Variants in UNC13C observed in about 807,000 individuals in gnomAD.
UNC13C encodes unc-13 homolog C.
Under a neutral mutation model 245.4 loss-of-function variants are expected in UNC13C, and 174 were observed. The ratio of observed to expected loss-of-function variants is 0.71; its 90% CI spans 0.63 to 0.80. The LOEUF (loss-of-function observed/expected upper bound fraction) is 0.80. Among genes scored for constraint, UNC13C ranks in the 30% least tolerant of loss-of-function variants. The pLI is 0.00. For synonymous variants in UNC13C, 992 were observed against 895.1 expected, an observed-to-expected ratio of 1.11 and a Z score of -1.93; for missense variants, 2,829 against 2,602.9, an observed-to-expected ratio of 1.09 and a Z score of -1.89.
intron 26 of UNC13C, among the ~76,000 whole-genome samples, chr15:54,538,608 A>G (rs750349493): frequency 6.6e-6 from 1 of 152,118 alleles, no homozygotes; most frequent in African/African-American, 2.4e-5. Flanking sequence ...TAGCCCATCA[A>G]TGGTAGACTG....
At chr15:54,295,472 G>T (rs1433147504) in intron 11 of UNC13C, among the ~76,000 whole-genome samples, 1 of 151,910 alleles carries the variant, frequency 6.6e-6, no homozygotes, top group Non-Finnish European at 1.5e-5. Flanking sequence ...AACATAGTGA[G>T]ACCCATCTCT....
chr15:54,281,898 T>C (rs1434862712), intron 10 of UNC13C, among the ~76,000 whole-genome samples: 6 of 152,224 alleles, frequency 3.9e-5, no homozygotes, highest in African/African-American at 1.4e-4. Context: ...TGGTATAATA[T>C]ACATATGATA....
the UNC13C span, among the ~76,000 whole-genome samples, chr15:53,884,306 A>G: frequency 6.6e-6 from 1 of 152,062 alleles, no homozygotes; most frequent in East Asian, 1.9e-4. Context: ...GTAATTTCCC[A>G]GGATCCTAAA....
chr15:53,936,848 C>G, the UNC13C span, among the ~76,000 whole-genome samples: 1 of 152,094 alleles, frequency 6.6e-6, no homozygotes, highest in Non-Finnish European at 1.5e-5. Flanking sequence ...ACAACATCAA[C>G]AAAAAGTCCC....
At chr15:54,217,763 T>C (rs2035086394) in intron 4 of UNC13C, among the ~76,000 whole-genome samples, 1 of 150,670 alleles carries the variant, frequency 6.6e-6, no homozygotes, top group Non-Finnish European at 1.5e-5. Context: ...CTTACTGGCC[T>C]AGGAAATTTC....
chr15:54,596,560 T>C (rs72740029), intron 30 of UNC13C, among the ~76,000 whole-genome samples: 3,762 of 152,250 alleles, frequency 0.025, 79 homozygotes, highest in South Asian at 0.051. Context: ...AATAAGACCA[T>C]AATGGGAGGC....
chr15:54,538,648 TGGA>T (rs1223972142), intron 26 of UNC13C, among the ~76,000 whole-genome samples: 1 of 152,064 alleles, frequency 6.6e-6, no homozygotes, highest in African/African-American at 2.4e-5. Context: ...ATATACATCA[TGGA>T]ATACTACACA....
the UNC13C span, among the ~76,000 whole-genome samples, chr15:53,956,953 A>G: frequency 6.6e-6 from 1 of 150,590 alleles, no homozygotes; most frequent in Non-Finnish European, 1.5e-5. Flanking sequence ...TGCATGTCCA[A>G]GCTTATAAAA....
At chr15:54,088,217 T>A (rs1899354852) in intron 2 of UNC13C, among the ~76,000 whole-genome samples, 1 of 145,024 alleles carries the variant, frequency 6.9e-6, no homozygotes, top group Non-Finnish European at 1.5e-5. Context: ...TTTTTTTTTT[T>A]TTTTTTTTTT....
At chr15:54,539,638 G>A (rs535933520) in intron 26 of UNC13C, among the ~76,000 whole-genome samples, 3 of 152,092 alleles carry the variant, frequency 2.0e-5, no homozygotes, top group African/African-American at 7.2e-5. Flanking sequence ...AATGCCTTCT[G>A]TTTTTTAGAA....
At chr15:54,077,563 T>A (rs1255662029) in intron 2 of UNC13C, among the ~76,000 whole-genome samples, 1 of 151,406 alleles carries the variant, frequency 6.6e-6, no homozygotes, top group East Asian at 2.0e-4. Context: ...ATTTTTAGTA[T>A]AGACTGCATG....
intron 2 of UNC13C, among the ~76,000 whole-genome samples, chr15:54,088,604 T>C (rs1162258346): frequency 6.6e-6 from 1 of 152,184 alleles, no homozygotes; most frequent in African/African-American, 2.4e-5. Flanking sequence ...TTCTGGACTG[T>C]AGCTCTGATC....
At chr15:54,263,876 T>A (rs1238525558) in intron 8 of UNC13C, among the ~76,000 whole-genome samples, 2 of 152,298 alleles carry the variant, frequency 1.3e-5, no homozygotes, top group Admixed American at 6.5e-5. Flanking sequence ...TTTTGAATTC[T>A]TTTTAGAAAA....
At chr15:54,375,759 C>T (rs759717069) in intron 17 of UNC13C, among the ~76,000 whole-genome samples, 2 of 152,236 alleles carry the variant, frequency 1.3e-5, no homozygotes, top group Non-Finnish European at 2.9e-5. Flanking sequence ...TGCGTGAGGA[C>T]CCTGAACTCA....
At chr15:54,632,272 C>T (rs1025344090), downstream of UNC13C, 2 of 152,138 alleles carry the variant, frequency 1.3e-5, no homozygotes, top group Non-Finnish European at 2.9e-5. Context: ...CATCCCAGTC[C>T]GTGGCTAGTC....
At chr15:54,039,588 G>A (rs774371632) in intron 2 of UNC13C, among the ~76,000 whole-genome samples, 2 of 151,480 alleles carry the variant, frequency 1.3e-5, no homozygotes, top group Admixed American at 6.6e-5. Flanking sequence ...TCAGTTCTTG[G>A]ACTCTTTTTT....
chr15:54,002,822 G>C (rs539064283), intron 1 of UNC13C, among the ~76,000 whole-genome samples: 2 of 152,304 alleles, frequency 1.3e-5, no homozygotes, highest in East Asian at 1.9e-4. Context: ...GAGTTAGATT[G>C]CCCTATCAAA....
intron 26 of UNC13C, among the ~76,000 whole-genome samples, chr15:54,537,991 A>G (rs1369175973): frequency 6.6e-6 from 1 of 151,830 alleles, no homozygotes; most frequent in African/African-American, 2.4e-5. Context: ...AATAGGACTA[A>G]TTAAAGAGCT....
intron 19 of UNC13C, among the ~76,000 whole-genome samples, chr15:54,455,205 C>CTCTCTATATATATATA (rs1388065398): frequency 7.4e-4 from 14 of 18,954 alleles, no homozygotes; most frequent in Non-Finnish European, 9.2e-4. Context: ...CTCTCTCTCT[C>CTCTCTATATATATATA]TATATATATA....
Sources: allele counts gnomAD v4.1 joint callset (sites outside exome capture counted in the v4.1 genomes callset), GRCh38; gene constraint gnomAD v4.1.1; transcripts MANE v1.5; gene names NCBI Gene and HGNC (gene_info 2026-07-23, HGNC 2026-07-21).